The following TRHDE variants were observed in gnomAD, a reference collection of about 807,000 sequenced individuals.
The protein encoded by TRHDE is thyrotropin-releasing hormone-degrading ectoenzyme.
Under a neutral mutation model 125.7 loss-of-function variants are expected in TRHDE, and 72 were observed. The observed-to-expected ratio is 0.57, with a 90% CI of 0.47 to 0.70. TRHDE has a LOEUF of 0.70. TRHDE is among the 30% of genes least tolerant of loss of function. The pLI, the probability that TRHDE is intolerant of heterozygous loss-of-function variation, is 0.00. For synonymous variants in TRHDE, 509 were observed against 509.1 expected (o/e 1.00, Z 0.00); for missense variants, 1,110 against 1,327.1 (o/e 0.84, Z 2.54).
At chr12:72,153,757 G>A (rs866632694) in intron 2 of TRHDE, among the ~76,000 whole-genome samples, 49 of 152,340 alleles carry the variant, frequency 3.2e-4, no homozygotes, top group Non-Finnish European at 5.3e-4. Flanking sequence ...TGTGGTCTGA[G>A]AGACAGTTTT....
chr12:72,526,971 A>T (rs1868348016), intron 6 of TRHDE, among the ~76,000 whole-genome samples: 1 of 152,180 alleles, frequency 6.6e-6, no homozygotes, highest in Non-Finnish European at 1.5e-5. Context: ...AGTTTTAAAC[A>T]ATTATTTTCT....
At chr12:72,340,465 A>T (rs939586297) in intron 2 of TRHDE, among the ~76,000 whole-genome samples, 2 of 152,164 alleles carry the variant, frequency 1.3e-5, no homozygotes, top group East Asian at 3.9e-4. Flanking sequence ...ATTTAGCTGC[A>T]TATAATGGAA....
intron 5 of TRHDE, among the ~76,000 whole-genome samples, chr12:72,497,492 T>C (rs931410254): frequency 1.3e-5 from 2 of 152,284 alleles, no homozygotes; most frequent in Non-Finnish European, 2.9e-5. Flanking sequence ...TTAGATCAGG[T>C]ACTTGAATGG....
At chr12:72,208,436 G>A (rs1462397489) in intron 2 of TRHDE, among the ~76,000 whole-genome samples, 4 of 152,114 alleles carry the variant, frequency 2.6e-5, no homozygotes, top group Non-Finnish European at 5.9e-5. Flanking sequence ...GGGTAAAACA[G>A]GTTAGATAGG....
At chr12:72,241,681 A>AT (rs762520576) in intron 2 of TRHDE, among the ~76,000 whole-genome samples, 6 of 152,216 alleles carry the variant, frequency 3.9e-5, no homozygotes, top group Admixed American at 6.5e-5. Flanking sequence ...ATTAATGGCC[A>AT]TAGAGTAAGT....
chr12:72,421,978 T>A lies in TRHDE; in HGVS notation c.1315+43857T>A, dbSNP rs943597735. Among the ~76,000 whole-genome samples, 6 of 152,310 alleles carry A rather than the reference T, an allele frequency of 3.9e-5. No homozygotes were observed. In the South Asian group the frequency reaches 1.2e-3, roughly 32 times the overall value. ...ATGGTCCAGAGACAATGGATATATA[T>A]GTCTACCTTTATTCCTTAATATTGA... On this transcript the variant is annotated intron_variant, in intron 3 of 18. Coordinates refer to ENST00000261180, the MANE Select transcript of TRHDE (RefSeq NM_013381.3).
chr12:72,574,131 G>A (rs1228173534), intron 10 of TRHDE, among the ~76,000 whole-genome samples: 1 of 151,958 alleles, frequency 6.6e-6, no homozygotes, highest in Non-Finnish European at 1.5e-5. Flanking sequence ...CTCTTCTTGT[G>A]TAGTCTCTAC....
At chr12:72,564,249 G>A (rs1295933023) in intron 9 of TRHDE, among the ~76,000 whole-genome samples, 1 of 152,226 alleles carries the variant, frequency 6.6e-6, no homozygotes, top group East Asian at 1.9e-4. Flanking sequence ...CTCTGTCAAT[G>A]CTTCTTCCCC....
At chr12:72,382,996 A>G (rs1206824876) in intron 3 of TRHDE, among the ~76,000 whole-genome samples, 1 of 152,230 alleles carries the variant, frequency 6.6e-6, no homozygotes, top group Non-Finnish European at 1.5e-5. Context: ...TCTCTTTGTT[A>G]CATAAAGACA....
chr12:72,120,270 C>T (rs940418582), intron 2 of TRHDE, among the ~76,000 whole-genome samples: 5 of 151,902 alleles, frequency 3.3e-5, no homozygotes, highest in Non-Finnish European at 5.9e-5. Flanking sequence ...AGGGTGGTCT[C>T]GATCTCCTGA....
intron 3 of TRHDE, among the ~76,000 whole-genome samples, chr12:72,446,481 A>C (rs1875292431): frequency 6.6e-6 from 1 of 152,072 alleles, no homozygotes; most frequent in Non-Finnish European, 1.5e-5. Context: ...CAACATCATA[A>C]TGACAGGATC....
In TRHDE at chr12:72,628,463, T is replaced by C. The variant is rs1455144963; in HGVS notation, c.2675+6712T>C. Among the ~76,000 whole-genome samples, 8 of 151,886 alleles carry C rather than the reference T, an allele frequency of 5.3e-5. No individual in the cohort carries two copies. The East Asian group carries it at 1.5e-3, about 29-fold the overall frequency. On this transcript the variant is annotated intron_variant, in intron 15 of 18. Coordinates refer to ENST00000261180, the MANE Select transcript of TRHDE (RefSeq NM_013381.3). ...TCTTGATACTTTCAAAAAGTTTAGC[T>C]GATTGGGCAGAATCCGTACTGAAAC...
In TRHDE at chr12:72,151,806, G is replaced by A. The variant is rs1338837685; in HGVS notation, n.279+46054G>A. Among the ~76,000 whole-genome samples, 181 of 152,242 alleles carry A rather than the reference G, an allele frequency of 1.2e-3. 1 individual carries two copies. Among genetic ancestry groups the A allele is most frequent in the African/African-American group, 4.2e-3 (174 of 41,548 alleles). On this transcript the variant is annotated intron_variant and non_coding_transcript_variant, in intron 2 of 4. Transcript: ENST00000548156. ...CTGTTTTGGTTACTGTAGCCTTGTA[G>A]TATAGTTTGAAGTCAGGTAGCATGA...
rs138395938 is a variant in TRHDE at position 72,401,581 on chromosome 12, T to G, written c.1315+23460T>G. ...TGAACAAGTTCACATCAACAACAGA[T>G]TTTCATAAAATACCCAGTGATGTAA... On this transcript the variant is annotated intron_variant, in intron 3 of 18. Coordinates refer to ENST00000261180, the MANE Select transcript of TRHDE (RefSeq NM_013381.3). Among the ~76,000 whole-genome samples the G allele has an allele frequency of 2.0e-3, 310 of 152,332 alleles. 3 individuals carry two copies. The Middle Eastern group carries it at 0.044, about 22-fold the overall frequency.
chr12:72,572,332 C>T (rs1474218266), intron 10 of TRHDE, among the ~76,000 whole-genome samples: 4 of 152,146 alleles, frequency 2.6e-5, no homozygotes, highest in South Asian at 4.1e-4. Flanking sequence ...CCAACTACTC[C>T]GTACCTCAAT....
rs556426088 is a variant in TRHDE at position 72,667,921 on chromosome 12, C to A, written c.*4726C>A. On this transcript the variant is annotated 3_prime_UTR_variant, in exon 19 of 19. Coordinates refer to ENST00000261180, the MANE Select transcript of TRHDE (RefSeq NM_013381.3). ...CTTACGAAAAAGTAGTTCAAGTTTT[C>A]TAAAATGGTTTCAGCATACTATCGG... 8 of 151,714 alleles carry A rather than the reference C, an allele frequency of 5.3e-5. No homozygotes were observed. The South Asian group carries it at 1.5e-3, about 28-fold the overall frequency. 9.4% of individuals were successfully genotyped at this position (151,714 alleles called of 1,614,324 possible). A position where few individuals can be genotyped will look rare whatever the true frequency, so the allele number is the denominator to read the frequency against.
chr12:72,420,379 G>A (rs1259604851), intron 3 of TRHDE, among the ~76,000 whole-genome samples: 1 of 152,012 alleles, frequency 6.6e-6, no homozygotes, highest in Non-Finnish European at 1.5e-5. Context: ...AACAATCTTG[G>A]GACAGAAAGA....
chr12:72,260,855 T>A (rs1878935370), intron 2 of TRHDE, among the ~76,000 whole-genome samples: 1 of 152,176 alleles, frequency 6.6e-6, no homozygotes, highest in South Asian at 2.1e-4. Flanking sequence ...AATATATGTG[T>A]TTCCTGCCCT....
At chr12:72,314,255 C>CT (rs200328776) in intron 2 of TRHDE, among the ~76,000 whole-genome samples, 3,651 of 133,486 alleles carry the variant, frequency 0.027, 133 homozygotes, top group African/African-American at 0.1. Context: ...TTGTCCTTTT[C>CT]TTTTTTTTTC....
Sources: allele counts gnomAD v4.1 joint callset (sites outside exome capture counted in the v4.1 genomes callset), GRCh38; gene constraint gnomAD v4.1.1; transcripts MANE v1.5; gene names NCBI Gene and HGNC (gene_info 2026-07-23, HGNC 2026-07-21).